Variants in OXR1 observed in about 807,000 individuals in gnomAD.
OXR1 encodes oxidation resistance protein 1.
In OXR1, 41 loss-of-function variants were observed where a neutral mutation model predicts 104.6. That is an observed-to-expected ratio of 0.39 (90% CI 0.31 to 0.51). The LOEUF is 0.51. OXR1 is among the 20% of genes least tolerant of loss of function. The pLI is 0.77. For synonymous variants in OXR1, 348 were observed against 348.4 expected, an observed-to-expected ratio of 1.00 and a Z score of 0.01; for missense variants, 955 against 1,031.9, an observed-to-expected ratio of 0.93 and a Z score of 1.02.
intron 3 of OXR1, chr8:106,520,391 A>G (rs1048852142): frequency 3.3e-5 from 5 of 152,094 alleles, no homozygotes; most frequent in South Asian, 2.1e-4. Flanking sequence ...TCATTTTCCA[A>G]TGTCTTTGGG....
chr8:106,649,291 T>C (rs1824348665), intron 3 of OXR1, among the ~76,000 whole-genome samples: 1 of 151,668 alleles, frequency 6.6e-6, no homozygotes, highest in South Asian at 2.1e-4. Context: ...GAAACACACA[T>C]GCATATATAC....
rs1812360402 is a variant in OXR1 at position 106,509,133 on chromosome 8, C to T, written c.24-9810C>T. 1.3e-5 allele frequency among the ~76,000 whole-genome samples: 2 copies of T among 152,172 alleles called. 1 individual carries two copies. Among genetic ancestry groups the T allele is most frequent in the South Asian group, 4.1e-4 (2 of 4,830 alleles). ...TGTGGCAATAGCGTGTTACAAATCA[C>T]TCCATCAAAGGTAATGAAATTAAAT... On this transcript the variant is annotated intron_variant, in intron 2 of 16. Coordinates refer to ENST00000517566, the MANE Select transcript of OXR1 (RefSeq NM_001198533.2).
intron 1 of OXR1, among the ~76,000 whole-genome samples, chr8:106,337,846 C>G (rs1035042304): frequency 4.6e-5 from 7 of 152,096 alleles, no homozygotes; most frequent in African/African-American, 1.2e-4. Flanking sequence ...TAAGCACTAT[C>G]AGGACAATTT....
intron 2 of OXR1, among the ~76,000 whole-genome samples, chr8:106,512,774 A>C (rs1812621354): frequency 6.6e-6 from 1 of 152,170 alleles, no homozygotes; most frequent in East Asian, 1.9e-4. Context: ...GAAAGAGAAA[A>C]CCCCACAGAT....
At chr8:106,698,163 A>C in intron 7 of OXR1, 1 of 605,488 alleles carries the variant, frequency 1.7e-6, no homozygotes, top group Non-Finnish European at 3.0e-6. Context: ...TATTTTCACT[A>C]GACAGAATTT....
chr8:106,735,103 T>TAA (rs1409195260), intron 11 of OXR1, among the ~76,000 whole-genome samples: 1 of 152,152 alleles, frequency 6.6e-6, no homozygotes, highest in Non-Finnish European at 1.5e-5. Flanking sequence ...GTAATTCCAG[T>TAA]TTCCTCATAT....
chr8:106,395,587 T>C (rs1817744563), intron 2 of OXR1, among the ~76,000 whole-genome samples: 2 of 152,148 alleles, frequency 1.3e-5, no homozygotes, highest in Admixed American at 1.3e-4. Context: ...CATGTGAGAA[T>C]TCTGGAAGCT....
chr8:106,602,226 A>G (rs1028872559), intron 3 of OXR1, among the ~76,000 whole-genome samples: 13 of 152,206 alleles, frequency 8.5e-5, no homozygotes, highest in Admixed American at 2.0e-4. Context: ...CTAAGCCACT[A>G]GATTTATAGT....
intron 3 of OXR1, among the ~76,000 whole-genome samples, chr8:106,621,380 G>A (rs1821683792): frequency 6.6e-6 from 1 of 151,982 alleles, no homozygotes. Context: ...GAGTCCGGGA[G>A]TTCCAGGCTG....
At chr8:106,663,473 G>C (rs1438888522) in intron 3 of OXR1, among the ~76,000 whole-genome samples, 1 of 152,192 alleles carries the variant, frequency 6.6e-6, no homozygotes, top group Non-Finnish European at 1.5e-5. Flanking sequence ...AAAATCCAAT[G>C]AGGGTGTGAG....
chr8:106,625,921 TA>T (rs775085771), intron 3 of OXR1, among the ~76,000 whole-genome samples: 62 of 152,148 alleles, frequency 4.1e-4, no homozygotes, highest in Non-Finnish European at 7.6e-4. Context: ...ATTTAATACA[TA>T]TTTTTTTCTC....
chr8:106,331,779 AAAATACAAAAAATT>A (rs1232608076), intron 1 of OXR1, among the ~76,000 whole-genome samples: 1 of 152,018 alleles, frequency 6.6e-6, no homozygotes, highest in Non-Finnish European at 1.5e-5. Flanking sequence ...ATCTCTACTA[AAAATACAAAAAATT>A]AAATTGGCAT....
At chr8:106,721,653 G>C (rs917409173) in intron 11 of OXR1, among the ~76,000 whole-genome samples, 9 of 152,074 alleles carry the variant, frequency 5.9e-5, no homozygotes, top group Non-Finnish European at 1.2e-4. Context: ...TTGAAGTTTA[G>C]ATTATTTAAG....
intron 1 of OXR1, among the ~76,000 whole-genome samples, chr8:106,358,248 T>C (rs1329842371): frequency 6.6e-6 from 1 of 152,198 alleles, no homozygotes; most frequent in Non-Finnish European, 1.5e-5. Context: ...GGAGTTGCCA[T>C]ATATGCCTTG....
intron 3 of OXR1, among the ~76,000 whole-genome samples, chr8:106,530,121 G>A (rs758322105): frequency 2.0e-5 from 3 of 152,106 alleles, no homozygotes; most frequent in Admixed American, 6.5e-5. Flanking sequence ...AACTAATGGC[G>A]ATTTGAACAG....
intron 2 of OXR1, among the ~76,000 whole-genome samples, chr8:106,402,689 G>C (rs559301070): frequency 6.6e-6 from 1 of 152,126 alleles, no homozygotes; most frequent in Non-Finnish European, 1.5e-5. Flanking sequence ...TGTAGTAAAA[G>C]GCTATAGGTC....
intron 3 of OXR1, among the ~76,000 whole-genome samples, chr8:106,666,402 G>C (rs1463871040): frequency 6.6e-6 from 1 of 152,208 alleles, no homozygotes; most frequent in Non-Finnish European, 1.5e-5. Flanking sequence ...TTGGATTCAG[G>C]ATTCTGTATT....
chr8:106,740,326 C>CA lies in OXR1; in HGVS notation c.2164-16dup. On this transcript the variant is annotated splice_polypyrimidine_tract_variant and intron_variant, in intron 13 of 16. Coordinates refer to ENST00000517566, the MANE Select transcript of OXR1 (RefSeq NM_001198533.2). ...CAACAAGCTATCAAGTAAATACTAA[C>CA]ACTTTGTTTTCTAAAGCTTACCAAG... The CA allele has an allele frequency of 6.2e-7, 1 of 1,601,966 alleles. No individual in the cohort carries two copies. Among genetic ancestry groups the CA allele is most frequent in the Admixed American group, 1.7e-5 (1 of 58,188 alleles).
chr8:106,548,302 G>A (rs1008430856), intron 3 of OXR1, among the ~76,000 whole-genome samples: 7 of 152,104 alleles, frequency 4.6e-5, no homozygotes, highest in African/African-American at 1.4e-4. Flanking sequence ...TAGGTTAAAC[G>A]ACTACTTAAC....
Sources: gnomAD v4.1 joint callset for allele counts (sites outside exome capture counted in the v4.1 genomes callset) on GRCh38, gnomAD v4.1.1 for gene constraint, MANE v1.5 for transcripts, NCBI Gene and HGNC (gene_info 2026-07-23, HGNC 2026-07-21) for gene names.